The following SCAP variants were observed in gnomAD, a reference collection of about 807,000 sequenced individuals.
SCAP encodes the protein SREBF chaperone, also known as sterol regulatory element-binding protein cleavage-activating protein.
Under a neutral mutation model 123.6 loss-of-function variants are expected in SCAP, and 65 were observed. The ratio of observed to expected loss-of-function variants is 0.53; its 90% CI spans 0.43 to 0.65. SCAP has a LOEUF of 0.65. Among genes scored for constraint, SCAP ranks in the 30% least tolerant of loss-of-function variants. The pLI is 0.00. For synonymous variants in SCAP, 740 were observed against 726.3 expected (o/e 1.02, Z -0.30); for missense variants, 1,398 against 1,712.5 (o/e 0.82, Z 3.24).
intron 1 of SCAP, among the ~76,000 whole-genome samples, chr3:47,463,177 G>A (rs148798865): frequency 3.4e-4 from 52 of 152,124 alleles, no homozygotes; most frequent in Admixed American, 2.8e-3. Context: ...TTATTCCTCC[G>A]GCGGAAAGTT....
At position 47,419,470 on chromosome 3, in the gene SCAP, G is replaced by T. The variant is rs200597020; in HGVS notation, c.1798C>A (p.Arg600Ser). 2 of 1,613,972 alleles carry T rather than the reference G, an allele frequency of 1.2e-6. No homozygotes were observed. The highest frequency in any genetic ancestry group is 3.3e-5 in the Admixed American group (2 of 60,016). ...TGGACAACCTCTGCTGGACCTCCAC[G>T]CTCAGGTGACTCGCCTGGCGACGTC... Reference protein sequence around the residue: ...NQTSPGESPERGGPAEVVHDS... With the variant: ...NQTSPGESPESGGPAEVVHDS... The change falls in exon 13 of 23, where the codon CGT (arginine) becomes AGT (serine). Residue 600 changes from arginine (R) to serine (S), a missense_variant. Physicochemically the swap from Arg to Ser is moderately radical, Grantham distance 110. Transcript: ENST00000265565. The surrounding 1 kb of genome is among the most constrained non-coding windows in gnomAD (Gnocchi z 5.0).
rs2107948523 is a variant in SCAP, at chr3:47,449,740, T to C, written c.-98-6649A>G. ...TAAGTGCAGGCTGGAAAATATTGTATGGAGGAAAAAAAATTATGGGAAACT... is the reference window on the plus strand; with the variant it reads ...TAAGTGCAGGCTGGAAAATATTGTACGGAGGAAAAAAAATTATGGGAAACT... On this transcript the variant is annotated intron_variant, in intron 1 of 22. Transcript: ENST00000265565. Among the ~76,000 whole-genome samples the C allele has an allele frequency of 1.6e-5, 2 of 123,942 alleles. 1 individual carries two copies. The highest frequency in any genetic ancestry group is 3.6e-5 in the Non-Finnish European group (2 of 56,146). The allele number at this position is 123,942 out of a possible 152,430, so 81.3% of individuals were successfully genotyped here. A position where few individuals can be genotyped will look rare whatever the true frequency, so the allele number is the denominator to read the frequency against.
intron 1 of SCAP, among the ~76,000 whole-genome samples, chr3:47,452,359 G>T (rs940512794): frequency 1.3e-5 from 2 of 151,780 alleles, no homozygotes; most frequent in Admixed American, 1.3e-4. Flanking sequence ...CCCTGTCTCT[G>T]AAAACAAACC....
rs1432355377 is a variant in SCAP, at chr3:47,439,391, A to C, written c.122+3481T>G. Among the ~76,000 whole-genome samples the C allele has an allele frequency of 6.6e-6, 1 of 152,238 alleles. No individual in the cohort carries two copies. The highest frequency in any genetic ancestry group is 2.4e-5 in the African/African-American group (1 of 41,470). ...GCCATTGCACTCCAGCCTGGGCGACAGAGTGAGACCCCGTCTCAAAATCAA... is the reference window on the plus strand; with the variant it reads ...GCCATTGCACTCCAGCCTGGGCGACCGAGTGAGACCCCGTCTCAAAATCAA... On this transcript the variant is annotated intron_variant, in intron 2 of 22. Coordinates refer to ENST00000265565, the MANE Select transcript of SCAP (RefSeq NM_012235.4). This position sits in a 1 kb window ranked among gnomAD's most constrained non-coding sequence, Gnocchi z 4.0.
At chr3:47,463,734 G>A (rs1707729304) in intron 1 of SCAP, among the ~76,000 whole-genome samples, 1 of 152,032 alleles carries the variant, frequency 6.6e-6, no homozygotes, top group Admixed American at 6.6e-5. Flanking sequence ...AAAATTAAAA[G>A]AAAACAGGGG....
At chr3:47,443,886 C>T (rs1323734829) in intron 1 of SCAP, among the ~76,000 whole-genome samples, 1 of 152,156 alleles carries the variant, frequency 6.6e-6, no homozygotes, top group African/African-American at 2.4e-5. Flanking sequence ...GGGCCTCTCT[C>T]CCTGGACTTT....
chr3:47,460,501 G>A (rs956696849), intron 1 of SCAP, among the ~76,000 whole-genome samples: 2 of 152,126 alleles, frequency 1.3e-5, no homozygotes, highest in African/African-American at 2.4e-5. Context: ...CAGTCCCTCC[G>A]TTCGGGGTCC....
At chr3:47,440,642 G>A (rs1341017466) in intron 2 of SCAP, among the ~76,000 whole-genome samples, 1 of 152,214 alleles carries the variant, frequency 6.6e-6, no homozygotes, top group Non-Finnish European at 1.5e-5. Flanking sequence ...AAGCCAAGGC[G>A]AGGGGATCAC....
At position 47,436,325 on chromosome 3, in the gene SCAP, C is replaced by T. The variant is rs536798068; in HGVS notation, c.123-1188G>A. On this transcript the variant is annotated intron_variant, in intron 2 of 22. Coordinates refer to ENST00000265565, the MANE Select transcript of SCAP (RefSeq NM_012235.4). The stretch of plus-strand genomic sequence containing the variant: ...CGATATACGCAAGGAAAAGCCCTGA[C>T]CTTTCATCAAAAAGTTGGCAAATAA... 5.3e-5 allele frequency among the ~76,000 whole-genome samples: 8 copies of T among 152,234 alleles called. No individual in the cohort carries two copies. The East Asian group carries it at 1.5e-3, about 29-fold the overall frequency.
intron 8 of SCAP, among the ~76,000 whole-genome samples, chr3:47,424,698 G>C (rs918239166): frequency 3.3e-5 from 5 of 152,308 alleles, no homozygotes; most frequent in African/African-American, 1.2e-4. Context: ...TATGGGGGAG[G>C]GTGGTGTTTA....
intron 6 of SCAP, among the ~76,000 whole-genome samples, chr3:47,426,783 C>T (rs1038822708): frequency 4.6e-5 from 7 of 152,300 alleles, no homozygotes; most frequent in South Asian, 2.1e-4. Flanking sequence ...ATCAGAAGCA[C>T]CTCGAGTGCC....
At chr3:47,475,398 T>C (rs1356611770) in intron 1 of SCAP, 1 of 152,248 alleles carries the variant, frequency 6.6e-6, no homozygotes, top group Admixed American at 6.5e-5. Flanking sequence ...CAATAAGATC[T>C]TCCAAAAGAG....
intron 1 of SCAP, chr3:47,475,336 T>C (rs1708225347): frequency 6.6e-6 from 1 of 152,256 alleles, no homozygotes; most frequent in Non-Finnish European, 1.5e-5. Context: ...GTTTAAGCAA[T>C]ACGGAAAACT....
At chr3:47,464,789 C>T (rs533336925) in intron 1 of SCAP, among the ~76,000 whole-genome samples, 22 of 152,262 alleles carry the variant, frequency 1.4e-4, no homozygotes, top group South Asian at 8.3e-4. Flanking sequence ...CTCATTTACC[C>T]TTTCTCTCCA....
intron 1 of SCAP, among the ~76,000 whole-genome samples, chr3:47,456,090 T>G (rs892051621): frequency 1.3e-5 from 2 of 152,186 alleles, no homozygotes; most frequent in Non-Finnish European, 2.9e-5. Context: ...AAAATTAAGC[T>G]GGATCTAACA....
rs192929195 is a variant in SCAP, at chr3:47,470,014, G to A, written c.-99+5785C>T. Reference sequence around the variant, plus strand: ...AACCAAGGCATTCGAACAAAATATCGTTTGGCATTCTTAGGTAACTCTTTT... The same window carrying A: ...AACCAAGGCATTCGAACAAAATATCATTTGGCATTCTTAGGTAACTCTTTT... On this transcript the variant is annotated intron_variant, in intron 1 of 22. Transcript: ENST00000265565. The A allele has an allele frequency of 6.1e-5, 20 of 330,058 alleles. 1 individual carries two copies. The highest frequency in any genetic ancestry group is 2.4e-4 in the South Asian group (8 of 33,222). 20.4% of individuals were successfully genotyped at this position (330,058 alleles called of 1,614,324 possible).
chr3:47,468,272 C>T (rs1410182450), intron 1 of SCAP, among the ~76,000 whole-genome samples: 1 of 152,106 alleles, frequency 6.6e-6, no homozygotes, highest in Non-Finnish European at 1.5e-5. Context: ...ATTTCTAGTT[C>T]TAGATCCTTG....
At chr3:47,444,950 T>C (rs1002276233) in intron 1 of SCAP, among the ~76,000 whole-genome samples, 11 of 151,624 alleles carry the variant, frequency 7.3e-5, no homozygotes, top group Non-Finnish European at 1.3e-4. Flanking sequence ...TTTTGTATTT[T>C]TGATAGAGAC....
At chr3:47,424,209 C>G (rs1278992667) in intron 8 of SCAP, among the ~76,000 whole-genome samples, 164 bp from the exon 9 acceptor site, 1 of 152,192 alleles carries the variant, frequency 6.6e-6, no homozygotes, top group Non-Finnish European at 1.5e-5. Flanking sequence ...CCAACAAGAC[C>G]TGCATCTACA....
Sources: allele counts gnomAD v4.1 joint callset (sites outside exome capture counted in the v4.1 genomes callset), GRCh38; gene constraint gnomAD v4.1.1; non-coding constraint Gnocchi (gnomAD v3.1); transcripts MANE v1.5; gene names NCBI Gene and HGNC (gene_info 2026-07-23, HGNC 2026-07-21).